The following ST6GALNAC3 variants were observed in gnomAD, a reference collection of about 807,000 sequenced individuals.
The protein encoded by ST6GALNAC3 is ST6 N-acetylgalactosaminide alpha-2,6-sialyltransferase 3, also known as alpha-N-acetylgalactosaminide alpha-2,6-sialyltransferase 3.
Under a neutral mutation model 32.7 loss-of-function variants are expected in ST6GALNAC3, and 25 were observed. That is an observed-to-expected ratio of 0.76 (90% CI 0.56 to 1.07). The LOEUF (loss-of-function observed/expected upper bound fraction) is 1.07, where lower values mean the gene tolerates loss of function less well. ST6GALNAC3 is among the 50% of genes least tolerant of loss of function. ST6GALNAC3 has a pLI of 0.00. For synonymous variants in ST6GALNAC3, 129 were observed against 133.1 expected (o/e 0.97, Z 0.21); for missense variants, 355 against 382.4 (o/e 0.93, Z 0.60).
At chr1:76,126,225 C>T (rs1475330702) in intron 1 of ST6GALNAC3, among the ~76,000 whole-genome samples, 4 of 152,122 alleles carry the variant, frequency 2.6e-5, no homozygotes. Flanking sequence ...CTCTCCCTGC[C>T]CGTCCATCTT....
chr1:76,429,126 T>C (rs1405069303), intron 3 of ST6GALNAC3, among the ~76,000 whole-genome samples: 7 of 152,168 alleles, frequency 4.6e-5, no homozygotes, highest in Admixed American at 1.3e-4. Flanking sequence ...TATGTGTATG[T>C]ATGTACTTGA....
chr1:76,490,018 A>T (rs891347042), intron 3 of ST6GALNAC3, among the ~76,000 whole-genome samples: 32 of 152,216 alleles, frequency 2.1e-4, no homozygotes, highest in South Asian at 1.5e-3. Context: ...AAAATCCCAC[A>T]CTTGCTGTCT....
rs370503409 is a variant in ST6GALNAC3 at position 76,123,608 on chromosome 1, G to A, written c.18+48724G>A. Among the ~76,000 whole-genome samples, 9 of 152,036 alleles carry A rather than the reference G, an allele frequency of 5.9e-5. No homozygotes were observed. In the East Asian group the frequency reaches 1.7e-3, roughly 29 times the overall value. On this transcript the variant is annotated intron_variant, in intron 1 of 4. Transcript: ENST00000328299. Reference sequence around the variant, plus strand: ...GCTGGCAGAATGAGGTCATAGCTGAGGTAATGTTTGAAGGAAGGAGTAAAT... The same window carrying A: ...GCTGGCAGAATGAGGTCATAGCTGAAGTAATGTTTGAAGGAAGGAGTAAAT...
At chr1:76,149,935 T>G (rs1056686587) in intron 1 of ST6GALNAC3, among the ~76,000 whole-genome samples, 1 of 152,194 alleles carries the variant, frequency 6.6e-6, no homozygotes, top group African/African-American at 2.4e-5. Flanking sequence ...GATTCTTAAA[T>G]AGAGGGAACC....
chr1:76,194,498 A>G (rs1209699315), intron 1 of ST6GALNAC3, among the ~76,000 whole-genome samples: 1 of 150,720 alleles, frequency 6.6e-6, no homozygotes, highest in Non-Finnish European at 1.5e-5. Flanking sequence ...GTAATAATAA[A>G]CCCATTACAT....
chr1:76,597,201 C>T (rs372530328), intron 3 of ST6GALNAC3, among the ~76,000 whole-genome samples: 4 of 152,156 alleles, frequency 2.6e-5, no homozygotes, highest in African/African-American at 9.6e-5. Context: ...AACAGAGAGC[C>T]GAGGAATTCC....
At chr1:76,389,478 T>G (rs1182902236) in intron 2 of ST6GALNAC3, among the ~76,000 whole-genome samples, 1 of 152,218 alleles carries the variant, frequency 6.6e-6, no homozygotes, top group Non-Finnish European at 1.5e-5. Context: ...TACCAAGGAA[T>G]GCCAGAGAGC....
chr1:76,615,629 C>T (rs984895995), intron 3 of ST6GALNAC3, among the ~76,000 whole-genome samples: 1 of 152,156 alleles, frequency 6.6e-6, no homozygotes, highest in Non-Finnish European at 1.5e-5. Flanking sequence ...CCTTTTTTGA[C>T]ATTCTGTGAC....
chr1:76,177,010 G>C (rs1652898028), intron 1 of ST6GALNAC3, among the ~76,000 whole-genome samples: 1 of 152,200 alleles, frequency 6.6e-6, no homozygotes, highest in South Asian at 2.1e-4. Context: ...AGGAGTTCGA[G>C]ACAACAGTGA....
At chr1:76,511,464 G>A (rs1424611978) in intron 3 of ST6GALNAC3, among the ~76,000 whole-genome samples, 1 of 152,102 alleles carries the variant, frequency 6.6e-6, no homozygotes, top group Non-Finnish European at 1.5e-5. Context: ...CACATCCCTA[G>A]CCTGTGTGCG....
At chr1:76,618,941 C>T (rs1450515763) in intron 3 of ST6GALNAC3, among the ~76,000 whole-genome samples, 1 of 152,130 alleles carries the variant, frequency 6.6e-6, no homozygotes, top group Non-Finnish European at 1.5e-5. Context: ...TATAATCTAG[C>T]ACAGAAAGGT....
intron 3 of ST6GALNAC3, among the ~76,000 whole-genome samples, chr1:76,456,924 C>A (rs1657852886): frequency 6.6e-6 from 1 of 152,170 alleles, no homozygotes; most frequent in South Asian, 2.1e-4. Flanking sequence ...TCCCTGTTTG[C>A]AGACAACATG....
intron 1 of ST6GALNAC3, among the ~76,000 whole-genome samples, chr1:76,236,246 C>A (rs1158116520): frequency 6.6e-6 from 1 of 152,144 alleles, no homozygotes; most frequent in African/African-American, 2.4e-5. Context: ...CCGCACCCGA[C>A]CAACCTAATT....
intron 1 of ST6GALNAC3, among the ~76,000 whole-genome samples, chr1:76,143,391 T>C (rs372835267): frequency 2.4e-5 from 1 of 41,330 alleles, no homozygotes; most frequent in Non-Finnish European, 7.3e-5. Flanking sequence ...TCTTACCAAG[T>C]CGTGTGTGTG....
At chr1:76,594,852 A>C (rs544861366) in intron 3 of ST6GALNAC3, among the ~76,000 whole-genome samples, 1 of 152,326 alleles carries the variant, frequency 6.6e-6, no homozygotes, top group East Asian at 1.9e-4. Flanking sequence ...TCATCTGTCT[A>C]CAGCCTTTCC....
At chr1:76,450,298 C>G (rs1256781024) in intron 3 of ST6GALNAC3, among the ~76,000 whole-genome samples, 1 of 152,024 alleles carries the variant, frequency 6.6e-6, no homozygotes, top group Admixed American at 6.5e-5. Flanking sequence ...CACAAAACCA[C>G]AATGTGGTTT....
chr1:76,483,846 T>A (rs1659908491), intron 3 of ST6GALNAC3, among the ~76,000 whole-genome samples: 1 of 152,206 alleles, frequency 6.6e-6, no homozygotes, highest in Non-Finnish European at 1.5e-5. Context: ...AGGGTTTTTA[T>A]GGTTTTAGGT....
chr1:76,418,935 CAA>C (rs368013298), intron 3 of ST6GALNAC3, among the ~76,000 whole-genome samples: 2 of 136,020 alleles, frequency 1.5e-5, no homozygotes, highest in African/African-American at 2.6e-5. Context: ...ATTAAAAATT[CAA>C]AAAAAAAAAG....
At chr1:76,453,921 T>A (rs980861227) in intron 3 of ST6GALNAC3, among the ~76,000 whole-genome samples, 2 of 152,314 alleles carry the variant, frequency 1.3e-5, no homozygotes, top group Non-Finnish European at 2.9e-5. Flanking sequence ...ATCTCATTTC[T>A]TAGGTCTAGA....
Sources: allele counts gnomAD v4.1 joint callset (sites outside exome capture counted in the v4.1 genomes callset), GRCh38; gene constraint gnomAD v4.1.1; transcripts MANE v1.5; gene names NCBI Gene and HGNC (gene_info 2026-07-23, HGNC 2026-07-21).